Variants in SDC2 observed in about 807,000 individuals in gnomAD.
SDC2 encodes the protein syndecan-2.
A neutral mutation model predicts 22.2 loss-of-function variants in SDC2; 13 were observed. The observed-to-expected ratio is 0.59, with a 90% CI of 0.38 to 0.93. The LOEUF (loss-of-function observed/expected upper bound fraction) is 0.93. SDC2 is among the 40% of genes least tolerant of loss of function. SDC2 has a pLI of 0.00. For missense variants in SDC2, 235 were observed against 246.8 expected (o/e 0.95, Z 0.32); for synonymous variants, 94 against 92.8 (o/e 1.01, Z -0.07).
chr8:96,602,588 G>A, intron 3 of SDC2, 60 bp downstream of exon 3: 2 of 1,573,674 alleles, frequency 1.3e-6, no homozygotes, highest in Non-Finnish European at 1.7e-6. Context: ...TCACTTTACT[G>A]ACTGTACACA....
rs764902252 is a variant in SDC2, at chr8:96,602,426, G to A, written c.204G>A (p.Leu68=). The change falls in exon 3 of 5, where the codon CTG becomes CTA. Residue 68 remains leucine, a synonymous_variant. Coordinates refer to ENST00000302190, the MANE Select transcript of SDC2 (RefSeq NM_002998.4). ...ATGAGGATGTAGAGAGTCCAGAGCTGACAACATCTCGACCACTTCCAAAGA... is the reference window on the plus strand; with the variant it reads ...ATGAGGATGTAGAGAGTCCAGAGCTAACAACATCTCGACCACTTCCAAAGA... ...GADEDVESPE[L]TTSRPLPKIL... is the part of the protein sequence containing the mutation. 1.9e-6 allele frequency: 3 copies of A among 1,614,134 alleles called. No homozygotes were observed. The highest frequency in any genetic ancestry group is 1.1e-5 in the South Asian group (1 of 91,074).
At chr8:96,563,575 A>G (rs1255798163) in intron 1 of SDC2, among the ~76,000 whole-genome samples, 1 of 152,218 alleles carries the variant, frequency 6.6e-6, no homozygotes, top group East Asian at 1.9e-4. Flanking sequence ...CACGGGGCCC[A>G]ACTCCCAGAG....
At chr8:96,517,936 T>G (rs1813432149) in intron 1 of SDC2, among the ~76,000 whole-genome samples, 2 of 152,164 alleles carry the variant, frequency 1.3e-5, no homozygotes, top group South Asian at 2.1e-4. Context: ...ATGAAGTCCC[T>G]CCTGCCTCAG....
chr8:96,511,667 G>A (rs1813330639), intron 1 of SDC2, among the ~76,000 whole-genome samples: 1 of 152,168 alleles, frequency 6.6e-6, no homozygotes, highest in Admixed American at 6.5e-5. Context: ...GTGAGTGCTG[G>A]TGCAAGTAAT....
intron 1 of SDC2, among the ~76,000 whole-genome samples, chr8:96,518,637 G>A (rs1409293153): frequency 3.9e-5 from 6 of 152,140 alleles, no homozygotes; most frequent in Admixed American, 6.5e-5. Context: ...GATTACAGGC[G>A]TGAGCCACCG....
intron 1 of SDC2, among the ~76,000 whole-genome samples, chr8:96,591,119 C>G (rs1814774188): frequency 6.6e-6 from 1 of 152,174 alleles, no homozygotes; most frequent in Non-Finnish European, 1.5e-5. Context: ...TTAGTCCAGA[C>G]AACTGGGTCA....
chr8:96,523,635 G>T (rs982277073), intron 1 of SDC2, among the ~76,000 whole-genome samples: 9 of 152,172 alleles, frequency 5.9e-5, no homozygotes, highest in African/African-American at 2.2e-4. Context: ...AAAATGCCTG[G>T]TAGGAAGAGG....
intron 1 of SDC2, among the ~76,000 whole-genome samples, chr8:96,504,167 T>G (rs1813205460): frequency 1.3e-5 from 2 of 152,244 alleles, no homozygotes; most frequent in South Asian, 4.1e-4. Flanking sequence ...TCTGGTTAAC[T>G]GAAGGCATAT....
Position 96,494,041 on chromosome 8 carries a change from C to G in SDC2, c.-231C>G, listed in dbSNP as rs1363959454. The G allele has an allele frequency of 1.8e-5, 10 of 553,114 alleles. No homozygotes were observed. Among genetic ancestry groups the G allele is most frequent in the Admixed American group, 7.1e-5 (2 of 28,318 alleles). The allele number at this position is 553,114 out of a possible 1,614,324, so 34.3% of individuals were successfully genotyped here. A position where few individuals can be genotyped will look rare whatever the true frequency, so the allele number is the denominator to read the frequency against. ...TCCGTGTCGGGAGTGCAGAAACCAA[C>G]AAGTGAGAGGGCGCCGCGTTCCCGG... is the stretch of plus-strand genomic sequence containing the variant. On this transcript the variant is annotated 5_prime_UTR_variant, in exon 1 of 5. Transcript: ENST00000302190.
At chr8:96,537,392 A>G (rs1813770662) in intron 1 of SDC2, 1 of 152,198 alleles carries the variant, frequency 6.6e-6, no homozygotes, top group South Asian at 2.1e-4. Flanking sequence ...TTGGGATCCC[A>G]AGCCTGAAGT....
At chr8:96,607,662 T>C (rs571456649) in intron 3 of SDC2, among the ~76,000 whole-genome samples, 2 of 152,228 alleles carry the variant, frequency 1.3e-5, no homozygotes, top group Non-Finnish European at 2.9e-5. Flanking sequence ...AGATTTCTGC[T>C]TGAGCATTGT....
At chr8:96,590,546 C>A (rs771795396) in intron 1 of SDC2, among the ~76,000 whole-genome samples, 1 of 152,166 alleles carries the variant, frequency 6.6e-6, no homozygotes, top group Non-Finnish European at 1.5e-5. Flanking sequence ...AATCATTTCC[C>A]GTCCTAGGCA....
chr8:96,553,803 A>C (rs1450036095), intron 1 of SDC2, among the ~76,000 whole-genome samples: 1 of 151,560 alleles, frequency 6.6e-6, no homozygotes, highest in Non-Finnish European at 1.5e-5. Flanking sequence ...ACAGGATCTC[A>C]CTCCAGTTGC....
At chr8:96,498,531 C>T (rs1258255796) in intron 1 of SDC2, among the ~76,000 whole-genome samples, 1 of 151,578 alleles carries the variant, frequency 6.6e-6, no homozygotes. Context: ...AGTACAATGG[C>T]ACTCTGCAAC....
chr8:96,500,336 G>A (rs933100563), intron 1 of SDC2, among the ~76,000 whole-genome samples: 1 of 151,982 alleles, frequency 6.6e-6, no homozygotes, highest in African/African-American at 2.4e-5. Flanking sequence ...TGGGGATCTG[G>A]GGGCAGAAAA....
intron 1 of SDC2, among the ~76,000 whole-genome samples, chr8:96,522,708 G>T (rs753232629): frequency 2.2e-4 from 34 of 152,188 alleles, no homozygotes; most frequent in Non-Finnish European, 4.3e-4. Context: ...AAGGGAAATA[G>T]CTTAAGGATC....
intron 3 of SDC2, among the ~76,000 whole-genome samples, chr8:96,603,178 C>G (rs1371160125): frequency 1.3e-5 from 2 of 152,128 alleles, no homozygotes; most frequent in South Asian, 4.1e-4. Flanking sequence ...AATAGGTAAC[C>G]CACTGAAGTT....
chr8:96,520,262 T>C (rs1420097081), intron 1 of SDC2, among the ~76,000 whole-genome samples: 2 of 152,200 alleles, frequency 1.3e-5, no homozygotes, highest in Non-Finnish European at 2.9e-5. Flanking sequence ...AAACACAGTA[T>C]AATTGTCACT....
At chr8:96,608,536 T>C (rs1815123109) in intron 4 of SDC2, 66 bp downstream of exon 4, 2 of 1,394,042 alleles carry the variant, frequency 1.4e-6, no homozygotes, top group South Asian at 1.5e-5. Context: ...CTAAGTGATA[T>C]TCAAAAGTGC....
Sources: allele counts gnomAD v4.1 joint callset (sites outside exome capture counted in the v4.1 genomes callset), GRCh38; gene constraint gnomAD v4.1.1; transcripts MANE v1.5; gene names NCBI Gene and HGNC (gene_info 2026-07-23, HGNC 2026-07-21).